The following JMJD1C variants were observed in gnomAD, a reference collection of about 807,000 sequenced individuals.
The protein encoded by JMJD1C is jumonji domain containing 1C.
In JMJD1C, 31 loss-of-function variants were observed where a neutral mutation model predicts 245.3. The observed-to-expected ratio is 0.13, with a 90% CI of 0.09 to 0.17. JMJD1C has a LOEUF of 0.17. JMJD1C is among the 10% of genes least tolerant of loss of function. JMJD1C has a pLI of 1.00. For synonymous variants in JMJD1C, 1,057 were observed against 1,017.4 expected (o/e 1.04, Z -0.74); for missense variants, 2,691 against 3,000.2 (o/e 0.90, Z 2.41).
rs752290836 is a variant in JMJD1C, at chr10:63,219,934, T to C, written c.497A>G (p.His166Arg). The change falls in exon 4 of 26, where the codon CAT (histidine) becomes CGT (arginine). Residue 166 changes from histidine to arginine, a missense_variant. This residue lies in a region of JMJD1C where 172 missense variants were observed against 240.8 expected (regional missense o/e 0.71). Transcript: ENST00000399262. Reference protein sequence around the residue: ...NPVLRDNPQLHEEVKVWVKEQ... With the variant: ...NPVLRDNPQLREEVKVWVKEQ... ...CTTTACCCAGACTTTCACTTCCTCA[T>C]GAAGCTGCGGGTTGTCCCTGAGAAC... 3 of 1,613,898 alleles carry C rather than the reference T, an allele frequency of 1.9e-6. No individual in the cohort carries two copies. The highest frequency in any genetic ancestry group is 2.5e-6 in the Non-Finnish European group (3 of 1,179,816).
At chr10:63,370,166 C>A (rs1946184515) in intron 2 of JMJD1C, among the ~76,000 whole-genome samples, 1 of 152,160 alleles carries the variant, frequency 6.6e-6, no homozygotes, top group African/African-American at 2.4e-5. Context: ...CTTCCCCTGG[C>A]TGATTTTAAT....
chr10:63,213,994 C>T lies in JMJD1C; in HGVS notation c.2173G>A (p.Gly725Arg). The T allele has an allele frequency of 1.3e-5, 21 of 1,614,134 alleles. No individual in the cohort carries two copies. Among genetic ancestry groups the T allele is most frequent in the Non-Finnish European group, 1.7e-5 (20 of 1,180,000 alleles). Residue 725 changes from glycine (G) to arginine (R), a missense_variant, in exon 8 of 26, where the codon GGA becomes AGA. Physicochemically the swap from Gly to Arg is moderately radical, Grantham distance 125 (BLOSUM62 -2). Coordinates refer to ENST00000399262, the MANE Select transcript of JMJD1C (RefSeq NM_032776.3). ...RDPALIGSET[G>R]ANHISPFLSQ... ...AGGAAAGGTGAAATATGATTAGCTCCTGTTTCTGACCCAATAAGTGCAGGA... is the reference window on the plus strand; with the variant it reads ...AGGAAAGGTGAAATATGATTAGCTCTTGTTTCTGACCCAATAAGTGCAGGA...
intron 1 of JMJD1C, among the ~76,000 whole-genome samples, chr10:63,507,341 G>A (rs569021465): frequency 1.4e-4 from 21 of 152,190 alleles, no homozygotes; most frequent in African/African-American, 4.6e-4. Flanking sequence ...CTGCCAAACC[G>A]TCTTTAAAAG....
Position 63,385,492 on chromosome 10 carries a change from T to C in JMJD1C, c.169-5010A>G, listed in dbSNP as rs543849990. ...TTGCTCTATCACCCAGGCTGGAGTATAGTGGTAAGATCATAGCTCCCTGTA... is the reference window on the plus strand; with the variant it reads ...TTGCTCTATCACCCAGGCTGGAGTACAGTGGTAAGATCATAGCTCCCTGTA... On this transcript the variant is annotated intron_variant, in intron 1 of 25. Coordinates refer to ENST00000399262, the MANE Select transcript of JMJD1C (RefSeq NM_032776.3). 9.9e-5 allele frequency among the ~76,000 whole-genome samples: 14 copies of C among 141,402 alleles called. 1 individual carries two copies. The South Asian group carries it at 3.0e-3, about 30-fold the overall frequency. 92.8% of individuals were successfully genotyped at this position (141,402 alleles called of 152,430 possible).
chr10:63,317,052 G>A (rs1246481936), intron 2 of JMJD1C, among the ~76,000 whole-genome samples: 1 of 151,758 alleles, frequency 6.6e-6, no homozygotes, highest in Non-Finnish European at 1.5e-5. Flanking sequence ...AAGAGACGGG[G>A]TTTTGCCATG....
At chr10:63,414,517 G>T (rs1301808678) in intron 1 of JMJD1C, among the ~76,000 whole-genome samples, 1 of 151,982 alleles carries the variant, frequency 6.6e-6, no homozygotes, top group Admixed American at 6.6e-5. Context: ...GTGCTCAAAA[G>T]GTAACTGTGA....
At chr10:63,180,958 C>T (rs908033549) in intron 22 of JMJD1C, among the ~76,000 whole-genome samples, 2 of 151,928 alleles carry the variant, frequency 1.3e-5, no homozygotes, top group Non-Finnish European at 2.9e-5. Context: ...TTAGTAGAGA[C>T]GGGGTTTCAC....
chr10:63,269,248 G>T, intron 2 of JMJD1C: 1 of 977,738 alleles, frequency 1.0e-6, no homozygotes, highest in Non-Finnish European at 1.2e-6. Flanking sequence ...CACACTGAGA[G>T]AAGGGAAGAG....
At chr10:63,515,542 A>G (rs1284753360) in intron 1 of JMJD1C, among the ~76,000 whole-genome samples, 1 of 151,942 alleles carries the variant, frequency 6.6e-6, no homozygotes, top group African/African-American at 2.4e-5. Context: ...AGATTTTCCT[A>G]CCCGGGTACT....
intron 3 of JMJD1C, among the ~76,000 whole-genome samples, chr10:63,237,045 G>T (rs933601780): frequency 8.6e-5 from 13 of 152,008 alleles, no homozygotes; most frequent in South Asian, 2.1e-4. Flanking sequence ...GTTTTGTTTT[G>T]TTTTGTTTTT....
At chr10:63,451,114 CA>C (rs150320814) in intron 1 of JMJD1C, among the ~76,000 whole-genome samples, 5,601 of 152,094 alleles carry the variant, frequency 0.037, 328 homozygotes, top group East Asian at 0.29. Context: ...ATGACTGGTA[CA>C]TATCAAAGGA....
At chr10:63,448,786 T>C (rs922125287) in intron 1 of JMJD1C, among the ~76,000 whole-genome samples, 5 of 152,176 alleles carry the variant, frequency 3.3e-5, no homozygotes, top group Non-Finnish European at 5.9e-5. Context: ...TGGGATTGTA[T>C]TGAATAGATA....
chr10:63,511,413 T>C (rs1286497817), intron 1 of JMJD1C, among the ~76,000 whole-genome samples: 2 of 152,192 alleles, frequency 1.3e-5, no homozygotes, highest in Non-Finnish European at 2.9e-5. Flanking sequence ...TAAAAGCAGA[T>C]AGAAAATACA....
At chr10:63,251,917 CAGA>C (rs1245009982) in intron 3 of JMJD1C, among the ~76,000 whole-genome samples, 1 of 152,190 alleles carries the variant, frequency 6.6e-6, no homozygotes, top group Non-Finnish European at 1.5e-5. Flanking sequence ...GAGGCTGAAG[CAGA>C]AGAATTGTTT....
At chr10:63,247,005 G>A (rs1369572234) in intron 3 of JMJD1C, among the ~76,000 whole-genome samples, 1 of 149,274 alleles carries the variant, frequency 6.7e-6, no homozygotes, top group Non-Finnish European at 1.5e-5. Context: ...AATATACAAC[G>A]CAACAATGCA....
intron 1 of JMJD1C, among the ~76,000 whole-genome samples, chr10:63,442,212 A>G (rs1182586668): frequency 6.6e-6 from 1 of 152,212 alleles, no homozygotes; most frequent in Non-Finnish European, 1.5e-5. Context: ...ACAAGCCCAG[A>G]GTAGGATGTC....
intron 1 of JMJD1C, among the ~76,000 whole-genome samples, chr10:63,498,635 C>T (rs1014709680): frequency 3.7e-4 from 56 of 152,088 alleles, no homozygotes; most frequent in Middle Eastern, 3.4e-3. Context: ...AAATGTAGTG[C>T]CAAATTATGA....
chr10:63,343,401 T>C (rs987489184), intron 2 of JMJD1C, among the ~76,000 whole-genome samples: 8 of 152,076 alleles, frequency 5.3e-5, no homozygotes, highest in African/African-American at 1.9e-4. Context: ...GATTTTAATG[T>C]ATGCTAACAC....
chr10:63,393,200 T>C (rs912634016), intron 1 of JMJD1C, among the ~76,000 whole-genome samples: 2 of 152,062 alleles, frequency 1.3e-5, no homozygotes, highest in African/African-American at 2.4e-5. Context: ...CCTGAGTTGA[T>C]GAGGCTGAAG....
Sources: gnomAD v4.1 joint callset for allele counts (sites outside exome capture counted in the v4.1 genomes callset) on GRCh38, gnomAD v4.1.1 for gene constraint, gnomAD v4.1.1 regional missense constraint, MANE v1.5 for transcripts, NCBI Gene and HGNC (gene_info 2026-07-23, HGNC 2026-07-21) for gene names.